Variants in ADGRB3 observed in about 807,000 individuals in gnomAD.
The protein encoded by ADGRB3 is adhesion G protein-coupled receptor B3.
A neutral mutation model predicts 193.4 loss-of-function variants in ADGRB3; 37 were observed. The ratio of observed to expected loss-of-function variants is 0.19; its 90% CI spans 0.15 to 0.25. The LOEUF is 0.25. Among genes scored for constraint, ADGRB3 ranks in the 10% least tolerant of loss-of-function variants. The probability of loss-of-function intolerance (pLI) is 1.00; values close to 1 mark genes in which losing one functional copy is unlikely to be tolerated. For synonymous variants in ADGRB3, 690 were observed against 644.2 expected (o/e 1.07, Z -1.08); for missense variants, 1,637 against 1,852.9 (o/e 0.88, Z 2.14).
intron 3 of ADGRB3, among the ~76,000 whole-genome samples, chr6:68,887,008 T>G (rs1243349704): frequency 1.3e-5 from 2 of 151,814 alleles, no homozygotes; most frequent in Non-Finnish European, 2.9e-5. Context: ...TCTAATAATA[T>G]TTGCATACTC....
intron 3 of ADGRB3, among the ~76,000 whole-genome samples, chr6:68,720,166 G>T (rs1347692582): frequency 6.6e-6 from 1 of 151,740 alleles, no homozygotes; most frequent in Non-Finnish European, 1.5e-5. Flanking sequence ...GAAGAGAGTA[G>T]AGACCTAGCT....
chr6:68,852,897 G>C (rs781177565), intron 3 of ADGRB3, among the ~76,000 whole-genome samples: 1 of 151,944 alleles, frequency 6.6e-6, no homozygotes. Context: ...GGAATAATGA[G>C]TTACTTCTTT....
rs1192679808 is a variant in ADGRB3 at position 69,004,070 on chromosome 6, G to C, written c.1930-9968G>C. On this transcript the variant is annotated intron_variant, in intron 11 of 31. Transcript: ENST00000370598. ...CAGAGTCAAGAAAATATTGAGATTTGCATTAGTAAAAGTTACAGATGGTTT... is the reference window on the plus strand; with the variant it reads ...CAGAGTCAAGAAAATATTGAGATTTCCATTAGTAAAAGTTACAGATGGTTT... Among the ~76,000 whole-genome samples, 3 of 152,126 alleles carry C rather than the reference G, an allele frequency of 2.0e-5. No homozygotes were observed. The East Asian group carries it at 5.8e-4, about 29-fold the overall frequency.
chr6:69,343,740 A>G (rs1281245146), intron 26 of ADGRB3, among the ~76,000 whole-genome samples: 1 of 152,164 alleles, frequency 6.6e-6, no homozygotes, highest in East Asian at 1.9e-4. Flanking sequence ...AGGAAATAAG[A>G]ACAAAAAAAA....
At chr6:69,102,740 T>A (rs1773100190) in intron 17 of ADGRB3, among the ~76,000 whole-genome samples, 1 of 152,192 alleles carries the variant, frequency 6.6e-6, no homozygotes, top group Admixed American at 6.5e-5. Context: ...CACATCTGAT[T>A]TATGGAACAA....
chr6:69,355,749 A>G, intron 27 of ADGRB3, 72 bp from the exon 28 acceptor site: 1 of 1,226,704 alleles, frequency 8.2e-7, no homozygotes, highest in Non-Finnish European at 1.2e-6. Flanking sequence ...AACTTCAGAT[A>G]ATCTGATTAG....
intron 3 of ADGRB3, among the ~76,000 whole-genome samples, chr6:68,701,217 G>A (rs1355473249): frequency 1.3e-5 from 2 of 152,034 alleles, no homozygotes; most frequent in South Asian, 2.1e-4. Flanking sequence ...ACTAAATCTC[G>A]CAGTGTTGAA....
chr6:69,284,250 C>G (rs1388048100), intron 20 of ADGRB3, among the ~76,000 whole-genome samples: 1 of 152,054 alleles, frequency 6.6e-6, no homozygotes, highest in Non-Finnish European at 1.5e-5. Flanking sequence ...CCTTTCATCT[C>G]GTCCCTCTGG....
intron 3 of ADGRB3, among the ~76,000 whole-genome samples, chr6:68,808,931 G>A (rs1418812480): frequency 6.6e-6 from 1 of 152,150 alleles, no homozygotes; most frequent in African/African-American, 2.4e-5. Context: ...CCAAGTCAGA[G>A]TCCTTTGGGA....
chr6:68,767,246 G>A (rs1255735612), intron 3 of ADGRB3, among the ~76,000 whole-genome samples: 1 of 152,070 alleles, frequency 6.6e-6, no homozygotes, highest in Non-Finnish European at 1.5e-5. Context: ...GAATCTGCAA[G>A]TTAAGAAATT....
intron 20 of ADGRB3, among the ~76,000 whole-genome samples, chr6:69,300,865 CATG>C (rs1238192557): frequency 6.6e-6 from 1 of 151,774 alleles, no homozygotes; most frequent in African/African-American, 2.4e-5. Context: ...TTGTCACTAT[CATG>C]ATGATTACAT....
At chr6:69,190,029 T>C (rs943109464) in intron 17 of ADGRB3, among the ~76,000 whole-genome samples, 1 of 152,174 alleles carries the variant, frequency 6.6e-6, no homozygotes, top group African/African-American at 2.4e-5. Flanking sequence ...TTGCCTTTCA[T>C]ATAAAGTAGA....
At chr6:69,050,735 T>C (rs1011131755) in intron 15 of ADGRB3, among the ~76,000 whole-genome samples, 1 of 152,222 alleles carries the variant, frequency 6.6e-6, no homozygotes, top group Non-Finnish European at 1.5e-5. Context: ...ACTTGTGTTT[T>C]CATTTCAATT....
At chr6:68,864,909 A>G (rs1765252425) in intron 3 of ADGRB3, among the ~76,000 whole-genome samples, 1 of 152,166 alleles carries the variant, frequency 6.6e-6, no homozygotes, top group Non-Finnish European at 1.5e-5. Flanking sequence ...TGATTACAGC[A>G]GGGCCATTTT....
intron 6 of ADGRB3, among the ~76,000 whole-genome samples, chr6:68,948,787 A>G (rs965502619): frequency 6.6e-6 from 1 of 152,134 alleles, no homozygotes; most frequent in African/African-American, 2.4e-5. Flanking sequence ...ATTAAAGACT[A>G]AAATAAATGA....
intron 3 of ADGRB3, among the ~76,000 whole-genome samples, chr6:68,776,111 T>C (rs1430020435): frequency 6.6e-6 from 1 of 152,152 alleles, no homozygotes; most frequent in Non-Finnish European, 1.5e-5. Flanking sequence ...AGGCTCTGTT[T>C]CTGCAACAGC....
intron 17 of ADGRB3, among the ~76,000 whole-genome samples, chr6:69,180,839 G>A (rs1423177781): frequency 6.6e-6 from 1 of 152,182 alleles, no homozygotes; most frequent in African/African-American, 2.4e-5. Context: ...TGCATGACCA[G>A]CCTGCTGGAT....
At chr6:69,295,459 C>A (rs762134586) in intron 20 of ADGRB3, among the ~76,000 whole-genome samples, 37 of 152,078 alleles carry the variant, frequency 2.4e-4, no homozygotes, top group Non-Finnish European at 4.9e-4. Context: ...TCAGGAAGAG[C>A]AGCTGAAGGA....
In ADGRB3 at chr6:68,785,921, T is replaced by G. The variant is rs549225754; in HGVS notation, c.758-144638T>G. On this transcript the variant is annotated intron_variant, in intron 3 of 31. Coordinates refer to ENST00000370598, the MANE Select transcript of ADGRB3 (RefSeq NM_001704.3). ...TCTGATGGCCAGTGATGATGAGCAT[T>G]TTTTCATGTGTTTTTTGGCTGCATA... Among the ~76,000 whole-genome samples, 421 of 152,338 alleles carry G rather than the reference T, an allele frequency of 2.8e-3. 1 individual carries two copies. Among genetic ancestry groups the G allele is most frequent in the African/African-American group, 9.6e-3 (401 of 41,572 alleles).
Sources: allele counts gnomAD v4.1 joint callset (sites outside exome capture counted in the v4.1 genomes callset), GRCh38; gene constraint gnomAD v4.1.1; transcripts MANE v1.5; gene names NCBI Gene and HGNC (gene_info 2026-07-23, HGNC 2026-07-21).